The following FLT1 variants were observed in gnomAD, a reference collection of about 807,000 sequenced individuals.
FLT1 encodes fms related receptor tyrosine kinase 1.
FLT1 carries 49 observed loss-of-function variants against 156.3 expected under a neutral mutation model. The observed-to-expected ratio is 0.31, with a 90% confidence interval of 0.25 to 0.40. FLT1 has a LOEUF of 0.40. Ranked by LOEUF, FLT1 falls within the 10% of genes least tolerant of loss-of-function variation. The pLI, the probability that FLT1 is intolerant of heterozygous loss-of-function variation, is 1.00. For missense variants in FLT1, 1,322 were observed against 1,637.2 expected (o/e 0.81, Z 3.32); for synonymous variants, 594 against 583.8 (o/e 1.02, Z -0.25).
chr13:28,346,376 A>G (rs563204490), intron 15 of FLT1: 1 of 152,292 alleles, frequency 6.6e-6, no homozygotes, highest in East Asian at 1.9e-4. Context: ...CTTGTGAGCA[A>G]TTTCCCAGGA....
rs184556954 is a variant in FLT1, at chr13:28,308,762, C to T, written c.3720+81G>A. The T allele has an allele frequency of 3.2e-4, 282 of 868,666 alleles. No homozygotes were observed. In the East Asian group the frequency reaches 6.6e-3, roughly 20 times the overall value. 53.8% of individuals were successfully genotyped at this position (868,666 alleles called of 1,614,324 possible). A position where few individuals can be genotyped will look rare whatever the true frequency, so the allele number is the denominator to read the frequency against. On this transcript the variant is annotated intron_variant, in intron 28 of 29. Coordinates refer to ENST00000282397, the MANE Select transcript of FLT1 (RefSeq NM_002019.4). ...GACCCTCACTGACCAAGAACTACTA[C>T]ATTACTGGCGTTGGTGTTTGGAAGG...
In FLT1 at chr13:28,393,243, G is replaced by A. The variant is rs147594673; in HGVS notation, c.1661-3139C>T. On this transcript the variant is annotated intron_variant, in intron 12 of 29. Coordinates refer to ENST00000282397, the MANE Select transcript of FLT1 (RefSeq NM_002019.4). ...ATTCAACCCAGGGTTAGACGAAAGTGTCATCTATTTATAAAGGTGCATACT... is the reference window on the plus strand; with the variant it reads ...ATTCAACCCAGGGTTAGACGAAAGTATCATCTATTTATAAAGGTGCATACT... Among the ~76,000 whole-genome samples, 1,036 of 152,248 alleles carry A rather than the reference G, an allele frequency of 6.8e-3. 35 individuals are homozygous for A. Among genetic ancestry groups the A allele is most frequent in the Admixed American group, 0.06 (911 of 15,294 alleles).
At chr13:28,361,362 C>T (rs1159551368) in intron 14 of FLT1, among the ~76,000 whole-genome samples, 5 of 152,068 alleles carry the variant, frequency 3.3e-5, no homozygotes, top group Non-Finnish European at 7.4e-5. Flanking sequence ...TTTCTTTAGT[C>T]TTTCTAAAGT....
At position 28,481,542 on chromosome 13, in the gene FLT1, C is replaced by T. The variant is rs547308751; in HGVS notation, c.64+13238G>A. Among the ~76,000 whole-genome samples the T allele has an allele frequency of 2.6e-5, 4 of 151,152 alleles. No homozygotes were observed. In the South Asian group the frequency reaches 8.4e-4, roughly 32 times the overall value. On this transcript the variant is annotated intron_variant, in intron 1 of 29. Transcript: ENST00000282397. ...CATGACTCCTAGAAGGGCCTCAGAC[C>T]CAGAGAAATGGCTCAGGATATGATT...
At chr13:28,426,631 G>A (rs1186490753) in intron 10 of FLT1, among the ~76,000 whole-genome samples, 1 of 152,196 alleles carries the variant, frequency 6.6e-6, no homozygotes, top group East Asian at 1.9e-4. Flanking sequence ...GGTGACGTAA[G>A]AGCTGAGCCA....
intron 29 of FLT1, among the ~76,000 whole-genome samples, chr13:28,305,467 C>G: frequency 6.6e-6 from 1 of 152,188 alleles, no homozygotes; most frequent in South Asian, 2.1e-4. Flanking sequence ...CTCAGCCTCC[C>G]AAAGTGTTGA....
At chr13:28,434,788 C>A (rs1877933081) in intron 4 of FLT1, among the ~76,000 whole-genome samples, 1 of 152,164 alleles carries the variant, frequency 6.6e-6, no homozygotes, top group African/African-American at 2.4e-5. Context: ...GAGGCTGAGG[C>A]AGGAGAATCG....
intron 20 of FLT1, among the ~76,000 whole-genome samples, chr13:28,326,127 G>C (rs1280754824): frequency 1.3e-5 from 2 of 152,190 alleles, no homozygotes; most frequent in East Asian, 3.8e-4. Flanking sequence ...TGATGATGAT[G>C]ATGACAGTGG....
At position 28,412,730 on chromosome 13, in the gene FLT1, CT is replaced by C. The variant is rs752528822; in HGVS notation, c.1437-6837del. 3.6e-3 allele frequency among the ~76,000 whole-genome samples: 290 copies of C among 79,540 alleles called. 1 individual carries two copies. The highest frequency in any genetic ancestry group is 5.0e-3 in the Admixed American group (32 of 6,430). The allele number at this position is 79,540 out of a possible 152,430, so 52.2% of individuals were successfully genotyped here. On this transcript the variant is annotated intron_variant, in intron 10 of 29. Coordinates refer to ENST00000282397, the MANE Select transcript of FLT1 (RefSeq NM_002019.4). The stretch of plus-strand genomic sequence containing the variant: ...GGCAACATCCCAGGCCCCTCACGTT[CT>C]TTTTTTTTTTTTTTTTTTTTTTTGA...
At position 28,402,091 on chromosome 13, in the gene FLT1, G is replaced by A. The variant is rs114652723; in HGVS notation, c.1551+3689C>T. On this transcript the variant is annotated intron_variant, in intron 11 of 29. Coordinates refer to ENST00000282397, the MANE Select transcript of FLT1 (RefSeq NM_002019.4). The stretch of plus-strand genomic sequence containing the variant: ...TTTTCACAAATCTGGGCCAAAACTC[G>A]CCAATAAGGAAACTAAATTTTATTG... Among the ~76,000 whole-genome samples the A allele has an allele frequency of 3.9e-3, 586 of 152,134 alleles. 7 individuals are homozygous for A. Among genetic ancestry groups the A allele is most frequent in the African/African-American group, 0.013 (555 of 41,500 alleles).
At position 28,412,667 on chromosome 13, in the gene FLT1, C is replaced by T. The variant is rs936779361; in HGVS notation, c.1437-6773G>A. 4.0e-5 allele frequency among the ~76,000 whole-genome samples: 6 copies of T among 151,438 alleles called. No individual in the cohort carries two copies. The East Asian group carries it at 7.8e-4, about 20-fold the overall frequency. On this transcript the variant is annotated intron_variant, in intron 10 of 29. Coordinates refer to ENST00000282397, the MANE Select transcript of FLT1 (RefSeq NM_002019.4). ...AACTCCTGACCTCAAGTGATCCACC[C>T]GCCTTGGCCTCCCAAAGTGCTGGGG...
chr13:28,473,684 A>AGG (rs1880317932), intron 1 of FLT1, among the ~76,000 whole-genome samples: 1 of 148,784 alleles, frequency 6.7e-6, no homozygotes, highest in Non-Finnish European at 1.5e-5. Context: ...AGAGAGAGAG[A>AGG]GAGAGAGAGA....
chr13:28,431,059 T>A, intron 7 of FLT1, 77 bp downstream of exon 7: 1 of 1,315,332 alleles, frequency 7.6e-7, no homozygotes, highest in African/African-American at 1.4e-5. Flanking sequence ...AACAGAAAAC[T>A]GACTTATTTA....
In FLT1 at chr13:28,489,914, T is replaced by C. The variant is rs75272503; in HGVS notation, c.64+4866A>G. 5.2e-3 allele frequency among the ~76,000 whole-genome samples: 787 copies of C among 152,376 alleles called. 9 individuals carry two copies. The highest frequency in any genetic ancestry group is 0.018 in the African/African-American group (758 of 41,592). Reference sequence around the variant, plus strand: ...TTTGATTCTTAGTTTAAACCCCTTATGTGCGTTAAGAAAATAGAAGAAAAC... The same window carrying C: ...TTTGATTCTTAGTTTAAACCCCTTACGTGCGTTAAGAAAATAGAAGAAAAC... On this transcript the variant is annotated intron_variant, in intron 1 of 29. Transcript: ENST00000282397.
At chr13:28,424,425 G>C (rs907185364) in intron 10 of FLT1, among the ~76,000 whole-genome samples, 1 of 151,968 alleles carries the variant, frequency 6.6e-6, no homozygotes, top group Non-Finnish European at 1.5e-5. Flanking sequence ...TCAAAACTTA[G>C]CTCGCCTTCA....
chr13:28,427,980 T>A, intron 8 of FLT1, 59 bp from the exon 9 acceptor site: 3 of 1,448,110 alleles, frequency 2.1e-6, no homozygotes, highest in South Asian at 2.3e-5. Flanking sequence ...ATCACTTTGA[T>A]AACACGGTCA....
At chr13:28,478,077 T>C (rs1263245439) in intron 1 of FLT1, among the ~76,000 whole-genome samples, 1 of 152,242 alleles carries the variant, frequency 6.6e-6, no homozygotes, top group African/African-American at 2.4e-5. Context: ...AAAATGCTTT[T>C]AGCTGCAAGA....
At chr13:28,432,326 A>G (rs541716141) in intron 6 of FLT1, among the ~76,000 whole-genome samples, 1 of 152,296 alleles carries the variant, frequency 6.6e-6, no homozygotes, top group African/African-American at 2.4e-5. Flanking sequence ...GAACAGACAG[A>G]CACATGTTGA....
At chr13:28,454,225 G>A (rs182986718) in intron 3 of FLT1, among the ~76,000 whole-genome samples, 9 of 152,152 alleles carry the variant, frequency 5.9e-5, no homozygotes, top group Non-Finnish European at 1.3e-4. Context: ...TCACACACAG[G>A]GATTACTACC....
Sources: allele counts gnomAD v4.1 joint callset (sites outside exome capture counted in the v4.1 genomes callset), GRCh38; gene constraint gnomAD v4.1.1; transcripts MANE v1.5; gene names NCBI Gene and HGNC (gene_info 2026-07-23, HGNC 2026-07-21).